YBX3: variants seen among roughly 807,000 people sequenced by gnomAD.
The protein encoded by YBX3 is Y-box binding protein 3, also known as Y-box-binding protein 3.
In YBX3, 29 loss-of-function variants were observed where a neutral mutation model predicts 42.4. The observed-to-expected ratio is 0.68, with a 90% CI of 0.51 to 0.93. YBX3 has a LOEUF of 0.93. Among genes scored for constraint, YBX3 ranks in the 40% least tolerant of loss-of-function variants. The probability of loss-of-function intolerance (pLI) is 0.00; values close to 1 mark genes in which losing one functional copy is unlikely to be tolerated. For synonymous variants in YBX3, 195 were observed against 189.8 expected (o/e 1.03, Z -0.22); for missense variants, 517 against 527.5 (o/e 0.98, Z 0.19).
chr12:10,710,879 A>C (rs1948192757), intron 5 of YBX3: 1 of 160,894 alleles, frequency 6.2e-6, no homozygotes, highest in African/African-American at 2.4e-5. Context: ...AGTTATTTTT[A>C]ATCAATTAAC....
intron 5 of YBX3, 168 bp from the exon 6 acceptor site, chr12:10,710,282 G>C: frequency 6.7e-7 from 1 of 1,497,320 alleles, no homozygotes; most frequent in Non-Finnish European, 8.8e-7. Flanking sequence ...GATTGCCTGG[G>C]ATAAACTACA....
At chr12:10,717,015 AG>A in intron 3 of YBX3, among the ~76,000 whole-genome samples, 1 of 152,280 alleles carries the variant, frequency 6.6e-6, no homozygotes, top group Admixed American at 6.5e-5. Flanking sequence ...TTACCCTAAA[AG>A]GTCTATTAAC....
chr12:10,714,285 G>A (rs752478011), intron 4 of YBX3, among the ~76,000 whole-genome samples: 1 of 152,148 alleles, frequency 6.6e-6, no homozygotes, highest in Non-Finnish European at 1.5e-5. Context: ...TGTGTATATG[G>A]GAGGAGCACA....
rs376632660 is a variant in YBX3, at chr12:10,715,823, A to T, written c.361-40T>A. The T allele has an allele frequency of 1.5e-5, 23 of 1,532,502 alleles. No homozygotes were observed. In the African/African-American group the frequency reaches 2.9e-4, roughly 19 times the overall value. 94.9% of individuals were successfully genotyped at this position (1,532,502 alleles called of 1,614,324 possible). The stretch of plus-strand genomic sequence containing the variant: ...GAAAATTTTATTCGATGTATATTTC[A>T]ATATTGGCCACAGATTTCACTGCTT... On this transcript the variant is annotated intron_variant, in intron 3 of 9. Coordinates refer to ENST00000228251, the MANE Select transcript of YBX3 (RefSeq NM_003651.5).
At position 10,702,039 on chromosome 12, in the gene YBX3, A is replaced by G; in HGVS notation, c.974T>C (p.Val325Ala). 1 of 1,614,176 alleles carries G rather than the reference A, an allele frequency of 6.2e-7. No individual in the cohort carries two copies. Among genetic ancestry groups the G allele is most frequent in the South Asian group, 1.1e-5 (1 of 91,080 alleles). The change falls in exon 8 of 10, where the codon GTT becomes GCT. Residue 325 changes from valine to alanine, a missense_variant. Val to Ala is a moderately conservative substitution (Grantham distance 64). Coordinates refer to ENST00000228251, the MANE Select transcript of YBX3 (RefSeq NM_003651.5). ...QATSGPNQPS[V>A]RRGYRRPYNY... ...GTAGGGACGCCGGTATCCACGGCGA[A>G]CAGACGGCTGGTTTGGACCACTGGT...
At chr12:10,710,824 T>G (rs1948191938) in intron 5 of YBX3, 2 of 175,722 alleles carry the variant, frequency 1.1e-5, no homozygotes, top group African/African-American at 4.8e-5. Flanking sequence ...TCTTTTCAAT[T>G]TAAATATTTT....
At chr12:10,722,773 G>A in intron 1 of YBX3, 77 bp downstream of exon 1, 2 of 1,237,110 alleles carry the variant, frequency 1.6e-6, no homozygotes, top group South Asian at 3.0e-5. Flanking sequence ...GATGTAGCGC[G>A]AGCTGCCCAC....
In YBX3 at chr12:10,699,438, T is replaced by C. The variant is rs1483156911; in HGVS notation, c.*251A>G. 6.6e-6 allele frequency: 1 copy of C among 152,624 alleles called. No homozygotes were observed. Among genetic ancestry groups the C allele is most frequent in the Non-Finnish European group, 1.5e-5 (1 of 68,018 alleles). 9.5% of individuals were successfully genotyped at this position (152,624 alleles called of 1,614,324 possible). ...GCTGAAACTGGAGAGGCTACTCTCTTGTCTTCCGTGCAGGAATTCCCAGGT... is the reference window on the plus strand; with the variant it reads ...GCTGAAACTGGAGAGGCTACTCTCTCGTCTTCCGTGCAGGAATTCCCAGGT... On this transcript the variant is annotated 3_prime_UTR_variant, in exon 10 of 10. Coordinates refer to ENST00000228251, the MANE Select transcript of YBX3 (RefSeq NM_003651.5).
intron 7 of YBX3, chr12:10,702,580 G>C (rs1380137502): frequency 6.6e-6 from 1 of 151,604 alleles, no homozygotes; most frequent in Non-Finnish European, 1.5e-5. Flanking sequence ...GCAGGTCAAT[G>C]CAACAAATGG....
At chr12:10,720,453 T>A (rs1447856973) in intron 1 of YBX3, among the ~76,000 whole-genome samples, 1 of 152,098 alleles carries the variant, frequency 6.6e-6, no homozygotes, top group Non-Finnish European at 1.5e-5. Context: ...CAAAGATCTC[T>A]CATCTCTCCA....
intron 6 of YBX3, among the ~76,000 whole-genome samples, chr12:10,705,903 A>G (rs574165432): frequency 1.3e-5 from 2 of 152,254 alleles, no homozygotes; most frequent in African/African-American, 2.4e-5. Context: ...GCTTTCTGGC[A>G]CAACAAGATG....
rs148867879 is a variant in YBX3 at position 10,710,033 on chromosome 12, C to G, written c.655G>C (p.Ala219Pro). 16 of 1,613,878 alleles carry G rather than the reference C, an allele frequency of 9.9e-6. No individual in the cohort carries two copies. In the Admixed American group the frequency reaches 2.7e-4, roughly 27 times the overall value. Residue 219 changes from alanine (A) to proline (P), a missense_variant, in exon 6 of 10, where the codon GCC (alanine) becomes CCC (proline). Transcript: ENST00000228251. ...TGGGGGCGGCGCAGCTGATTCCGGGCCCCAGAGAACTGCCTATCAGTGGCA... is the reference window on the plus strand; with the variant it reads ...TGGGGGCGGCGCAGCTGATTCCGGGGCCCAGAGAACTGCCTATCAGTGGCA... ...PPATDRQFSGARNQLRRPQYR... is the reference protein window; with the variant it reads ...PPATDRQFSGPRNQLRRPQYR...
At chr12:10,716,898 C>A (rs1948269246) in intron 3 of YBX3, among the ~76,000 whole-genome samples, 1 of 152,146 alleles carries the variant, frequency 6.6e-6, no homozygotes, top group Non-Finnish European at 1.5e-5. Context: ...TGACTCACCA[C>A]ACAACCTCAC....
At chr12:10,704,914 A>C (rs943802460) in intron 6 of YBX3, among the ~76,000 whole-genome samples, 9 of 152,238 alleles carry the variant, frequency 5.9e-5, no homozygotes, top group Non-Finnish European at 1.2e-4. Flanking sequence ...CCAGTGAAAT[A>C]GCACCCATCC....
At chr12:10,722,218 G>A (rs1022086662) in intron 1 of YBX3, 2 of 152,308 alleles carry the variant, frequency 1.3e-5, no homozygotes, top group African/African-American at 4.8e-5. Context: ...TAAGACCCAA[G>A]TTTCCCGGAG....
chr12:10,707,012 A>G (rs10845208), intron 6 of YBX3, among the ~76,000 whole-genome samples: 48,957 of 151,698 alleles, frequency 0.32, 8,492 homozygotes, highest in East Asian at 0.64. Context: ...GTGAGACTCC[A>G]TCTCAAAAAA....
In YBX3 at chr12:10,714,416, A is replaced by G. The variant is rs185320749; in HGVS notation, c.451-1083T>C. Among the ~76,000 whole-genome samples the G allele has an allele frequency of 5.3e-4, 80 of 152,312 alleles. 1 individual carries two copies. The highest frequency in any genetic ancestry group is 3.7e-3 in the Admixed American group (56 of 15,298). On this transcript the variant is annotated intron_variant, in intron 4 of 9. Coordinates refer to ENST00000228251, the MANE Select transcript of YBX3 (RefSeq NM_003651.5). ...TAATCTTACTCAATATTGTTTTACT[A>G]GTATCTATAACAGACTAAACACAAA...
At chr12:10,700,699 A>G (rs1948068551) in intron 9 of YBX3, among the ~76,000 whole-genome samples, 1 of 152,190 alleles carries the variant, frequency 6.6e-6, no homozygotes, top group Non-Finnish European at 1.5e-5. Flanking sequence ...CCTAATTTTT[A>G]CCAGTAGCAG....
intron 1 of YBX3, among the ~76,000 whole-genome samples, chr12:10,721,261 T>C (rs1041267476): frequency 6.6e-6 from 1 of 152,232 alleles, no homozygotes; most frequent in Non-Finnish European, 1.5e-5. Flanking sequence ...ATCAGACTCA[T>C]CACCAGGGAT....
Sources: allele counts gnomAD v4.1 joint callset (sites outside exome capture counted in the v4.1 genomes callset), GRCh38; gene constraint gnomAD v4.1.1; transcripts MANE v1.5; gene names NCBI Gene and HGNC (gene_info 2026-07-23, HGNC 2026-07-21).